Variants in FAM153A observed in about 807,000 individuals in gnomAD.
FAM153A encodes the protein family with sequence similarity 153 member A.
In FAM153A, 12 loss-of-function variants were observed where a neutral mutation model predicts 48.1. The ratio of observed to expected loss-of-function variants is 0.25; its 90% CI spans 0.16 to 0.40. The LOEUF is 0.40. Among genes scored for constraint, FAM153A ranks in the 10% least tolerant of loss-of-function variants. The probability of loss-of-function intolerance (pLI) is 1.00; values close to 1 mark genes in which losing one functional copy is unlikely to be tolerated. For missense variants in FAM153A, 111 were observed against 345.8 expected, an observed-to-expected ratio of 0.32 and a Z score of 5.38; for synonymous variants, 36 against 118.2, an observed-to-expected ratio of 0.30 and a Z score of 4.51.
chr5:177,734,789 A>G, intron 13 of FAM153A, 74 bp downstream of exon 15: 2 of 1,610,260 alleles, frequency 1.2e-6, no homozygotes, highest in Non-Finnish European at 8.5e-7. Flanking sequence ...AGATTCTCAT[A>G]TCTTAATTTA....
chr5:177,759,884 C>A (rs1275816667), intron 1 of FAM153A, among the ~76,000 whole-genome samples: 1 of 151,554 alleles, frequency 6.6e-6, no homozygotes, highest in Non-Finnish European at 1.5e-5. Flanking sequence ...AGCACACCAA[C>A]ATGGCACATG....
downstream of FAM153A, among the ~76,000 whole-genome samples, chr5:177,705,608 G>A (rs1370177299): frequency 1.4e-5 from 2 of 144,378 alleles, no homozygotes; most frequent in East Asian, 2.0e-4. Context: ...AACAAAAGAA[G>A]TGTAAAACTT....
At chr5:177,761,349 G>A (rs1219719700) in intron 1 of FAM153A, among the ~76,000 whole-genome samples, 2 of 151,752 alleles carry the variant, frequency 1.3e-5, no homozygotes, top group African/African-American at 4.9e-5. Flanking sequence ...GCCGGAAAAG[G>A]GCAGGCCATC....
intron 24 of FAM153A, among the ~76,000 whole-genome samples, chr5:177,716,854 A>C (rs1759914339): frequency 6.6e-6 from 1 of 151,732 alleles, no homozygotes; most frequent in South Asian, 2.1e-4. Context: ...GCTGGAGTAC[A>C]GTGGCACAAT....
chr5:177,761,435 G>A (rs1223130623), intron 1 of FAM153A, among the ~76,000 whole-genome samples: 19 of 152,168 alleles, frequency 1.2e-4, no homozygotes, highest in Admixed American at 7.8e-4. Context: ...TCCCCTGGCC[G>A]ACTACATCAT....
chr5:177,754,963 A>G (rs545554900), upstream of FAM153A, among the ~76,000 whole-genome samples: 125 of 152,056 alleles, frequency 8.2e-4, no homozygotes, highest in Non-Finnish European at 1.4e-3. Context: ...GCTCCTCACC[A>G]GTAACGGGAC....
At chr5:177,758,725 A>C (rs1438790968) in intron 1 of FAM153A, among the ~76,000 whole-genome samples, 3 of 150,982 alleles carry the variant, frequency 2.0e-5, no homozygotes, top group African/African-American at 4.9e-5. Flanking sequence ...AGAAATGGGG[A>C]AAGGATTCCC....
chr5:177,711,041 CAAAT>C (rs1035747373), downstream of FAM153A: 8 of 151,678 alleles, frequency 5.3e-5, no homozygotes, highest in South Asian at 2.1e-4. Flanking sequence ...AAGTTCTGTT[CAAAT>C]AAATATTTTT....
chr5:177,737,208 G>A, intron 10 of FAM153A, 96 bp from the exon 13 acceptor site: 1 of 1,565,380 alleles, frequency 6.4e-7, no homozygotes, highest in Non-Finnish European at 8.7e-7. Flanking sequence ...TGTGTGGAAA[G>A]GTGTGTTCAC....
At chr5:177,712,136 A>G (rs1758581779) in exon 27 of FAM153A, 1 of 151,836 alleles carries the variant, frequency 6.6e-6, no homozygotes, top group Non-Finnish European at 1.5e-5. Context: ...ATCTGAAGAG[A>G]CATCTGAACA....
chr5:177,737,784 T>G (rs1317094825), intron 10 of FAM153A, among the ~76,000 whole-genome samples: 1 of 151,754 alleles, frequency 6.6e-6, no homozygotes, highest in Non-Finnish European at 1.5e-5. Context: ...CCCCCCAAAC[T>G]GCTGGAATTA....
In FAM153A at chr5:177,741,241, CA is replaced by C; in HGVS notation, c.441+14del. The C allele has an allele frequency of 2.2e-6, 1 of 450,496 alleles. No homozygotes were observed. Among genetic ancestry groups the C allele is most frequent in the Non-Finnish European group, 3.4e-6 (1 of 293,114 alleles). 27.9% of individuals were successfully genotyped at this position (450,496 alleles called of 1,614,324 possible). On this transcript the variant is annotated intron_variant, in intron 7 of 20. Coordinates refer to ENST00000614127, the Ensembl canonical transcript of FAM153A. ...AAATAAAATTCCCACCTCAGATAAA[CA>C]AAAAAGACTTTACCTTCACAGAGCC... is the stretch of plus-strand genomic sequence containing the variant.
chr5:177,781,936 A>T (rs1430577381), upstream of FAM153A, among the ~76,000 whole-genome samples: 29 of 78,848 alleles, frequency 3.7e-4, no homozygotes, highest in African/African-American at 1.3e-3. Flanking sequence ...TCACCGTGTT[A>T]GCCAGGATGG....
downstream of FAM153A, among the ~76,000 whole-genome samples, chr5:177,709,257 CTTTTTT>C (rs59687881): frequency 4.3e-5 from 5 of 116,380 alleles, 1 homozygote; most frequent in African/African-American, 1.7e-4. Flanking sequence ...AAAAAGGAAT[CTTTTTT>C]TTTTTTTTTT....
At chr5:177,715,394 C>T (rs962565849) in intron 25 of FAM153A, among the ~76,000 whole-genome samples, 6 of 151,112 alleles carry the variant, frequency 4.0e-5, no homozygotes, top group African/African-American at 1.5e-4. Flanking sequence ...AAGAAAGCTA[C>T]TGATCTCACC....
upstream of FAM153A, among the ~76,000 whole-genome samples, chr5:177,755,274 A>G (rs1767606239): frequency 6.6e-6 from 1 of 150,556 alleles, no homozygotes; most frequent in Non-Finnish European, 1.5e-5. Context: ...GCGAGAAGAG[A>G]AGTTTAGAGA....
intron 10 of FAM153A, among the ~76,000 whole-genome samples, chr5:177,737,602 C>T (rs932649986): frequency 1.3e-5 from 2 of 151,418 alleles, no homozygotes; most frequent in African/African-American, 4.9e-5. Context: ...CCCACCACCA[C>T]CTCTGCCTCC....
chr5:177,771,723 T>A lies in FAM153A; in HGVS notation c.-57+8726A>T, dbSNP rs1291882733. Among the ~76,000 whole-genome samples, 3 of 97,188 alleles carry A rather than the reference T, an allele frequency of 3.1e-5. 1 individual carries two copies. Among genetic ancestry groups the A allele is most frequent in the Non-Finnish European group, 4.3e-5 (2 of 47,018 alleles). The allele number at this position is 97,188 out of a possible 152,430, so 63.8% of individuals were successfully genotyped here. ...AATGCGGTTACTTCTGAGCAGCTGC[T>A]TTCCTTCTGAAGGTCGGAATGTGGG... On this transcript the variant is annotated intron_variant, in intron 1 of 8. Transcript: ENST00000393518.
downstream of FAM153A, among the ~76,000 whole-genome samples, chr5:177,709,093 C>CCAAAAAAAA (rs1758119692): frequency 2.9e-5 from 1 of 34,106 alleles, no homozygotes; most frequent in African/African-American, 8.9e-5. Flanking sequence ...GACTCCGTCT[C>CCAAAAAAAA]AAAAAAAAAA....
Sources: gnomAD v4.1 joint callset for allele counts (sites outside exome capture counted in the v4.1 genomes callset) on GRCh38, gnomAD v4.1.1 for gene constraint, MANE v1.5 for transcripts, NCBI Gene and HGNC (gene_info 2026-07-23, HGNC 2026-07-21) for gene names.